Variants in SHISA9 observed in about 807,000 individuals in gnomAD.
SHISA9 encodes the protein shisa family member 9.
In SHISA9, 13 loss-of-function variants were observed where a neutral mutation model predicts 38.0. That is an observed-to-expected ratio of 0.34 (90% CI 0.22 to 0.54). The LOEUF (loss-of-function observed/expected upper bound fraction) is 0.54. Ranked by LOEUF, SHISA9 falls within the 20% of genes least tolerant of loss-of-function variation. SHISA9 has a pLI of 0.91. For synonymous variants in SHISA9, 275 were observed against 242.0 expected, an observed-to-expected ratio of 1.14 and a Z score of -1.27; for missense variants, 538 against 575.8, an observed-to-expected ratio of 0.93 and a Z score of 0.67.
At chr16:13,398,413 G>C in the SHISA9 span, among the ~76,000 whole-genome samples, 1 of 152,010 alleles carries the variant, frequency 6.6e-6, no homozygotes, top group Non-Finnish European at 1.5e-5. Flanking sequence ...TCAAGGGTCA[G>C]CTGTATATAG....
intron 2 of SHISA9, among the ~76,000 whole-genome samples, chr16:12,972,031 C>T (rs1332328475): frequency 8.0e-6 from 1 of 125,722 alleles, no homozygotes; most frequent in Non-Finnish European, 1.7e-5. Context: ...AATCTCTGCT[C>T]TCTTGGAGTT....
chr16:12,934,255 C>A (rs116510850), intron 2 of SHISA9, among the ~76,000 whole-genome samples: 2 of 152,170 alleles, frequency 1.3e-5, no homozygotes, highest in Non-Finnish European at 2.9e-5. Flanking sequence ...AACTGCTATG[C>A]GCTAGACAGT....
chr16:13,015,892 TTC>T (rs1346153684), intron 2 of SHISA9, among the ~76,000 whole-genome samples: 6 of 129,268 alleles, frequency 4.6e-5, no homozygotes, highest in East Asian at 2.2e-4. Context: ...CTTTCTTTCT[TTC>T]TTTCTTTCTT....
the SHISA9 span, among the ~76,000 whole-genome samples, chr16:13,437,014 T>TA: frequency 6.6e-6 from 1 of 152,144 alleles, no homozygotes; most frequent in African/African-American, 2.4e-5. Context: ...TCATGAGACT[T>TA]ACTCATTTTC....
chr16:13,420,555 G>C, the SHISA9 span, among the ~76,000 whole-genome samples: 4 of 152,128 alleles, frequency 2.6e-5, no homozygotes, highest in Non-Finnish European at 5.9e-5. Flanking sequence ...AGTGGGGGAT[G>C]GGGGGTAAGG....
chr16:13,214,544 G>A (rs2051149681), intron 4 of SHISA9, among the ~76,000 whole-genome samples: 1 of 152,068 alleles, frequency 6.6e-6, no homozygotes, highest in African/African-American at 2.4e-5. Context: ...GGGAAAATTA[G>A]GAGACATTGC....
At chr16:13,218,024 A>AAGGG (rs34282111) in intron 4 of SHISA9, among the ~76,000 whole-genome samples, 40 of 139,052 alleles carry the variant, frequency 2.9e-4, no homozygotes, top group East Asian at 2.8e-3. Context: ...GGAAGGAAGG[A>AAGGG]AGGGAGGGAG....
intron 2 of SHISA9, among the ~76,000 whole-genome samples, chr16:13,126,148 G>A (rs1344863592): frequency 1.3e-5 from 2 of 152,124 alleles, no homozygotes; most frequent in Non-Finnish European, 2.9e-5. Context: ...ACAAAGATTC[G>A]GCAGCCCCAT....
chr16:13,326,584 A>G, the SHISA9 span, among the ~76,000 whole-genome samples: 3,154 of 152,304 alleles, frequency 0.021, 90 homozygotes, highest in African/African-American at 0.072. Context: ...AGCTGGGCGT[A>G]GTGTCGCATG....
At chr16:13,422,239 C>G in the SHISA9 span, among the ~76,000 whole-genome samples, 13 of 152,314 alleles carry the variant, frequency 8.5e-5, no homozygotes, top group Non-Finnish European at 1.9e-4. Context: ...GGCTTCCAGG[C>G]TAAAGCACAA....
At chr16:13,244,418 A>G (rs1431150191), downstream of SHISA9, among the ~76,000 whole-genome samples, 1 of 152,176 alleles carries the variant, frequency 6.6e-6, no homozygotes, top group Non-Finnish European at 1.5e-5. Context: ...GAAGATGACA[A>G]GGATGAAGAC....
At chr16:12,909,636 C>T in intron 1 of SHISA9, 1 of 982,180 alleles carries the variant, frequency 1.0e-6, no homozygotes, top group Non-Finnish European at 1.2e-6. Flanking sequence ...TCACCAGGGT[C>T]CCAGCTCCAA....
the SHISA9 span, among the ~76,000 whole-genome samples, chr16:13,316,691 A>G: frequency 2.6e-5 from 4 of 152,216 alleles, no homozygotes; most frequent in African/African-American, 7.2e-5. Context: ...TCACATTCCA[A>G]TTCCAGAGAT....
chr16:13,342,883 A>G, the SHISA9 span, among the ~76,000 whole-genome samples: 1 of 152,192 alleles, frequency 6.6e-6, no homozygotes, highest in East Asian at 1.9e-4. Context: ...GAGCAGCTAA[A>G]AACCACAACA....
intron 2 of SHISA9, among the ~76,000 whole-genome samples, chr16:13,066,563 A>G (rs1285786413): frequency 6.6e-6 from 1 of 152,230 alleles, no homozygotes; most frequent in East Asian, 1.9e-4. Flanking sequence ...GAACTGATTG[A>G]TAATGGGGTT....
At chr16:13,113,117 C>T (rs966415824) in intron 2 of SHISA9, among the ~76,000 whole-genome samples, 33 of 145,552 alleles carry the variant, frequency 2.3e-4, no homozygotes, top group African/African-American at 7.1e-4. Flanking sequence ...GGCTGAGGCA[C>T]GAGAATCGCT....
chr16:13,512,987 A>T, the SHISA9 span, among the ~76,000 whole-genome samples: 1 of 152,244 alleles, frequency 6.6e-6, no homozygotes, highest in African/African-American at 2.4e-5. Context: ...AGCAATTGCA[A>T]CGGAAGCCAA....
chr16:13,405,181 A>G, the SHISA9 span, among the ~76,000 whole-genome samples: 3 of 152,372 alleles, frequency 2.0e-5, no homozygotes, highest in East Asian at 3.9e-4. Flanking sequence ...TCATTTGTCA[A>G]TAATTGCAAT....
intron 1 of SHISA9, chr16:12,909,543 TTTC>T (rs2071151987): frequency 4.1e-6 from 4 of 985,350 alleles, no homozygotes; most frequent in African/African-American, 3.5e-5. Flanking sequence ...GATGCACCAT[TTTC>T]TTCTTGTTCT....
Sources: allele counts gnomAD v4.1 joint callset (sites outside exome capture counted in the v4.1 genomes callset), GRCh38; gene constraint gnomAD v4.1.1; transcripts MANE v1.5; gene names NCBI Gene and HGNC (gene_info 2026-07-23, HGNC 2026-07-21).